C12orf56: variants seen among roughly 807,000 people sequenced by gnomAD.
C12orf56 encodes chromosome 12 open reading frame 56, also known as uncharacterized protein C12orf56.
In C12orf56, 71 loss-of-function variants were observed where a neutral mutation model predicts 69.9. That is an observed-to-expected ratio of 1.02 (90% CI 0.84 to 1.24). C12orf56 has a LOEUF of 1.24. C12orf56 is among the 50% of genes most tolerant of loss of function. The pLI is 0.00. For synonymous variants in C12orf56, 276 were observed against 274.1 expected (o/e 1.01, Z -0.07); for missense variants, 732 against 738.5 (o/e 0.99, Z 0.10).
rs992946397 is a variant in C12orf56, at chr12:64,265,392, G to T, written c.*1791C>A. The stretch of plus-strand genomic sequence containing the variant: ...CTGAAAGGGAAACTTTGGGTAAAAA[G>T]AAAGGAGGATTACTTGAAGTTAGTG... On this transcript the variant is annotated 3_prime_UTR_variant, in exon 13 of 13. Coordinates refer to ENST00000543942, the MANE Select transcript of C12orf56 (RefSeq NM_001170633.2). 1 of 152,266 alleles carries T rather than the reference G, an allele frequency of 6.6e-6. No individual in the cohort carries two copies. Among genetic ancestry groups the T allele is most frequent in the Non-Finnish European group, 1.5e-5 (1 of 68,096 alleles). The allele number at this position is 152,266 out of a possible 1,614,324, so 9.4% of individuals were successfully genotyped here.
intron 1 of C12orf56, among the ~76,000 whole-genome samples, chr12:64,380,908 ATAATT>A (rs2039711969): frequency 6.6e-6 from 1 of 152,186 alleles, no homozygotes. Context: ...GAAGCATGTT[ATAATT>A]TAATTTATGA....
In C12orf56 at chr12:64,386,632, G is replaced by A. The variant is rs1592510195; in HGVS notation, c.252+3682C>T. Among the ~76,000 whole-genome samples, 8 of 151,972 alleles carry A rather than the reference G, an allele frequency of 5.3e-5. No individual in the cohort carries two copies. In the South Asian group the frequency reaches 1.7e-3, roughly 32 times the overall value. On this transcript the variant is annotated intron_variant, in intron 1 of 12. Coordinates refer to ENST00000543942, the MANE Select transcript of C12orf56 (RefSeq NM_001170633.2). ...GCTGGTCTCAAACTCCCAACCTCAG[G>A]TGATCCGCCCATCTCGGCTTCCCAA...
At chr12:64,354,270 A>C (rs1291906302) in intron 1 of C12orf56, among the ~76,000 whole-genome samples, 1 of 152,160 alleles carries the variant, frequency 6.6e-6, no homozygotes, top group Non-Finnish European at 1.5e-5. Flanking sequence ...CAGCAATAAC[A>C]TTTGATTGAA....
chr12:64,318,024 A>G (rs754889371), intron 4 of C12orf56, among the ~76,000 whole-genome samples: 1 of 150,258 alleles, frequency 6.7e-6, no homozygotes, highest in African/African-American at 2.5e-5. Context: ...CATGACTTCC[A>G]TGACTCACCT....
intron 1 of C12orf56, among the ~76,000 whole-genome samples, chr12:64,370,859 A>G (rs2039560867): frequency 6.6e-6 from 1 of 151,968 alleles, no homozygotes; most frequent in African/African-American, 2.4e-5. Context: ...GAGAATAGAG[A>G]GCCCAGAGCC....
intron 2 of C12orf56, among the ~76,000 whole-genome samples, chr12:64,352,099 GTTTTTTTTTTT>G (rs55762803): frequency 1.9e-4 from 29 of 148,772 alleles, no homozygotes; most frequent in African/African-American, 4.1e-4. Context: ...TTTTGTTTTT[GTTTTTTTTTTT>G]TTTTTGTTTT....
At chr12:64,366,237 T>C (rs1479815194) in intron 1 of C12orf56, among the ~76,000 whole-genome samples, 5 of 118,430 alleles carry the variant, frequency 4.2e-5, no homozygotes, top group African/African-American at 1.7e-4. Context: ...ATATATAATA[T>C]ACAGTTTATA....
intron 2 of C12orf56, among the ~76,000 whole-genome samples, chr12:64,350,512 A>G (rs1161717571): frequency 6.6e-6 from 1 of 152,228 alleles, no homozygotes; most frequent in Non-Finnish European, 1.5e-5. Flanking sequence ...TTAAGGAGTC[A>G]AGCTTGACTT....
At chr12:64,345,757 A>G (rs1396246449) in intron 2 of C12orf56, among the ~76,000 whole-genome samples, 1 of 152,210 alleles carries the variant, frequency 6.6e-6, no homozygotes, top group African/African-American at 2.4e-5. Context: ...CTTTGTCTGC[A>G]GAATTTAGGA....
chr12:64,338,449 C>A, intron 2 of C12orf56: 1 of 849,064 alleles, frequency 1.2e-6, no homozygotes. Flanking sequence ...GCACCGCAGA[C>A]TTTACCAGAG....
At chr12:64,267,348 TC>T (rs1314584690) in intron 12 of C12orf56, 60 bp from the exon 13 acceptor site, 15 of 1,295,494 alleles carry the variant, frequency 1.2e-5, no homozygotes, top group Non-Finnish European at 1.6e-5. Context: ...TTCACATTGG[TC>T]ACTTGAGTAC....
At chr12:64,340,461 A>G (rs2039060479) in intron 2 of C12orf56, among the ~76,000 whole-genome samples, 1 of 152,180 alleles carries the variant, frequency 6.6e-6, no homozygotes, top group Non-Finnish European at 1.5e-5. Context: ...GAGATCATAC[A>G]TAACCTTCAA....
chr12:64,343,749 C>A (rs1432110607), intron 2 of C12orf56, among the ~76,000 whole-genome samples: 1 of 152,176 alleles, frequency 6.6e-6, no homozygotes, highest in Non-Finnish European at 1.5e-5. Flanking sequence ...TCTTTCAAGT[C>A]CTTGATGGTA....
intron 1 of C12orf56, among the ~76,000 whole-genome samples, chr12:64,358,449 C>T (rs1025834142): frequency 1.6e-5 from 2 of 123,200 alleles, no homozygotes; most frequent in African/African-American, 2.8e-5. Flanking sequence ...CACAGTAAGA[C>T]TCCATCTCAA....
chr12:64,350,503 T>TAAAGGG (rs2039208215), intron 2 of C12orf56, among the ~76,000 whole-genome samples: 1 of 152,216 alleles, frequency 6.6e-6, no homozygotes, highest in Non-Finnish European at 1.5e-5. Flanking sequence ...TGCTTCCCTT[T>TAAAGGG]AAGGAGTCAA....
Position 64,352,947 on chromosome 12 carries a change from CTG to C in C12orf56, c.360_361del (p.Asn120LysfsTer13), listed in dbSNP as rs1370842823. ...AAATGGAAATAGGAATTTCCTGACA[CTG>C]TTTGACTTTTTACACTCTTTTTTCA... On this transcript the variant is annotated frameshift_variant, in exon 2 of 13. Coordinates refer to ENST00000543942, the MANE Select transcript of C12orf56 (RefSeq NM_001170633.2). LOFTEE classifies it high-confidence loss of function. 6.2e-7 allele frequency: 1 copy of C among 1,613,090 alleles called. No homozygotes were observed. Among genetic ancestry groups the C allele is most frequent in the African/African-American group, 1.3e-5 (1 of 74,902 alleles).
chr12:64,357,591 T>C (rs545985014), intron 1 of C12orf56, among the ~76,000 whole-genome samples: 132 of 152,112 alleles, frequency 8.7e-4, no homozygotes, highest in Non-Finnish European at 1.5e-3. Flanking sequence ...TATTTTTACT[T>C]TTTTTTGTAG....
chr12:64,345,764 A>G lies in C12orf56; in HGVS notation c.415+7130T>C, dbSNP rs1255483968. On this transcript the variant is annotated intron_variant, in intron 2 of 12. Transcript: ENST00000543942. ...TTTCATCACTTTGTCTGCAGAATTT[A>G]GGAGCAACCAACAAGCTTCATTATG... Among the ~76,000 whole-genome samples, 3 of 152,214 alleles carry G rather than the reference A, an allele frequency of 2.0e-5. No individual in the cohort carries two copies. The East Asian group carries it at 5.8e-4, about 29-fold the overall frequency.
chr12:64,287,255 A>AGAAGAAGAAGAAG (rs1555186243), intron 6 of C12orf56, among the ~76,000 whole-genome samples: 1 of 140,362 alleles, frequency 7.1e-6, no homozygotes, highest in African/African-American at 2.8e-5. Context: ...AAAAAAAAAA[A>AGAAGAAGAAGAAG]AAAAAAAAGA....
Sources: allele counts gnomAD v4.1 joint callset (sites outside exome capture counted in the v4.1 genomes callset), GRCh38; gene constraint gnomAD v4.1.1; transcripts MANE v1.5; gene names NCBI Gene and HGNC (gene_info 2026-07-23, HGNC 2026-07-21).